SLC16A12: variants seen among roughly 807,000 people sequenced by gnomAD.
The protein encoded by SLC16A12 is monocarboxylate transporter 12.
SLC16A12 carries 17 observed loss-of-function variants against 42.4 expected under a neutral mutation model. That is an observed-to-expected ratio of 0.40 (90% CI 0.27 to 0.60). The LOEUF (loss-of-function observed/expected upper bound fraction) is 0.60, where lower values mean the gene tolerates loss of function less well. Ranked by LOEUF, SLC16A12 falls within the 20% of genes least tolerant of loss-of-function variation. SLC16A12 has a pLI of 0.42. For synonymous variants in SLC16A12, 224 were observed against 229.4 expected (o/e 0.98, Z 0.21); for missense variants, 544 against 623.0 (o/e 0.87, Z 1.35).
At chr10:89,539,422 A>G (rs1843698377), upstream of SLC16A12, among the ~76,000 whole-genome samples, 1 of 152,174 alleles carries the variant, frequency 6.6e-6, no homozygotes. Flanking sequence ...TTTGTAGCCA[A>G]TAAATAACAC....
chr10:89,552,231 G>A (rs557298977), intron 2 of SLC16A12, among the ~76,000 whole-genome samples: 1 of 152,266 alleles, frequency 6.6e-6, no homozygotes, highest in East Asian at 1.9e-4. Flanking sequence ...ACTCACGCCT[G>A]GCCAAAGAGA....
intron 2 of SLC16A12, among the ~76,000 whole-genome samples, chr10:89,541,069 C>T (rs1843712546): frequency 6.6e-6 from 1 of 151,770 alleles, no homozygotes; most frequent in African/African-American, 2.4e-5. Context: ...CTATAGGTGC[C>T]CACCACCACG....
intron 2 of SLC16A12, among the ~76,000 whole-genome samples, chr10:89,509,250 C>T (rs1462017975): frequency 1.3e-5 from 2 of 152,136 alleles, no homozygotes; most frequent in African/African-American, 4.8e-5. Context: ...TTTTATGAGG[C>T]CAGCATCATC....
chr10:89,555,746 G>C (rs1319634023), intron 2 of SLC16A12: 1 of 148,180 alleles, frequency 6.7e-6, no homozygotes, highest in Non-Finnish European at 1.5e-5. Flanking sequence ...AGAAGAAAGA[G>C]TAAGACTGAG....
chr10:89,517,736 T>C (rs1359570409), intron 2 of SLC16A12, among the ~76,000 whole-genome samples: 1 of 152,156 alleles, frequency 6.6e-6, no homozygotes, highest in Admixed American at 6.5e-5. Flanking sequence ...GTTTTCTGAT[T>C]CTTGATATTT....
chr10:89,483,106 CT>C (rs146426494), intron 2 of SLC16A12, among the ~76,000 whole-genome samples: 2 of 151,088 alleles, frequency 1.3e-5, no homozygotes, highest in African/African-American at 2.4e-5. Context: ...AGATGGCCAC[CT>C]TTTTTTTTGC....
intron 7 of SLC16A12, among the ~76,000 whole-genome samples, chr10:89,435,108 C>T (rs1373526835): frequency 6.6e-6 from 1 of 152,190 alleles, no homozygotes; most frequent in Non-Finnish European, 1.5e-5. Context: ...CACTCTATAG[C>T]ATTTTAGAGT....
intron 1 of SLC16A12, among the ~76,000 whole-genome samples, chr10:89,556,170 T>C (rs146997176): frequency 6.6e-6 from 1 of 152,182 alleles, no homozygotes; most frequent in Non-Finnish European, 1.5e-5. Context: ...TGCTAAGCAC[T>C]TTTTATGCTT....
chr10:89,543,490 C>G (rs1318741111), intron 2 of SLC16A12, among the ~76,000 whole-genome samples: 1 of 152,080 alleles, frequency 6.6e-6, no homozygotes, highest in Non-Finnish European at 1.5e-5. Flanking sequence ...ATAATAATAA[C>G]ACTTCATAGG....
intron 2 of SLC16A12, among the ~76,000 whole-genome samples, chr10:89,552,145 G>C (rs923554851): frequency 6.6e-6 from 1 of 151,900 alleles, no homozygotes; most frequent in African/African-American, 2.4e-5. Context: ...CATATTGGCC[G>C]GGCTGGTCTT....
intron 2 of SLC16A12, among the ~76,000 whole-genome samples, chr10:89,469,159 A>G (rs1842454006): frequency 6.6e-6 from 1 of 152,194 alleles, no homozygotes; most frequent in South Asian, 2.1e-4. Flanking sequence ...TTTACTAATC[A>G]GCCTCCAATT....
intron 2 of SLC16A12, among the ~76,000 whole-genome samples, chr10:89,516,621 T>G (rs1291462411): frequency 6.6e-6 from 1 of 152,214 alleles, no homozygotes; most frequent in Non-Finnish European, 1.5e-5. Flanking sequence ...GTTCCTAGGC[T>G]TTGCAACCTT....
chr10:89,506,857 A>G (rs1843070708), intron 2 of SLC16A12, among the ~76,000 whole-genome samples: 1 of 152,170 alleles, frequency 6.6e-6, no homozygotes, highest in South Asian at 2.1e-4. Flanking sequence ...GCTAACTAGA[A>G]TAACCAGTGT....
At chr10:89,531,947 T>G (rs1215611736) in intron 2 of SLC16A12, among the ~76,000 whole-genome samples, 1 of 152,168 alleles carries the variant, frequency 6.6e-6, no homozygotes, top group African/African-American at 2.4e-5. Context: ...CTTATGGTAG[T>G]TTGAATCGGT....
rs147038698 is a variant in SLC16A12 at position 89,511,136 on chromosome 10, C to T, written c.-47+23365G>A. Among the ~76,000 whole-genome samples the T allele has an allele frequency of 1.5e-4, 23 of 152,098 alleles. No homozygotes were observed. In the South Asian group the frequency reaches 2.3e-3, roughly 15 times the overall value. On this transcript the variant is annotated intron_variant, in intron 2 of 7. Coordinates refer to ENST00000371790, the MANE Select transcript of SLC16A12 (RefSeq NM_213606.4). Reference sequence around the variant, plus strand: ...AACGCTTTTACACTGTTGGTGGGAGCGTAAATTAGTTCAACCATTGTGGAA... The same window carrying T: ...AACGCTTTTACACTGTTGGTGGGAGTGTAAATTAGTTCAACCATTGTGGAA...
intron 2 of SLC16A12, among the ~76,000 whole-genome samples, chr10:89,542,098 C>A (rs1193159387): frequency 1.3e-4 from 19 of 151,442 alleles, no homozygotes; most frequent in Admixed American, 1.2e-3. Flanking sequence ...TGACCCAGGT[C>A]ACTGTTTGAA....
intron 2 of SLC16A12, among the ~76,000 whole-genome samples, chr10:89,532,409 T>C (rs985825980): frequency 2.0e-5 from 3 of 152,194 alleles, no homozygotes; most frequent in African/African-American, 7.2e-5. Context: ...CACTTTCTGA[T>C]GTCCTTTGAT....
At chr10:89,494,749 C>T (rs1284037474) in intron 2 of SLC16A12, among the ~76,000 whole-genome samples, 1 of 152,126 alleles carries the variant, frequency 6.6e-6, no homozygotes, top group Non-Finnish European at 1.5e-5. Context: ...TGCAGAATCC[C>T]AGAAAGACTC....
chr10:89,436,892 G>GA (rs1564567532), intron 6 of SLC16A12, among the ~76,000 whole-genome samples: 1 of 147,984 alleles, frequency 6.8e-6, no homozygotes, highest in African/African-American at 2.6e-5. Flanking sequence ...AAGAAAGAAA[G>GA]AAAGAAAGAA....
Sources: gnomAD v4.1 joint callset for allele counts (sites outside exome capture counted in the v4.1 genomes callset) on GRCh38, gnomAD v4.1.1 for gene constraint, MANE v1.5 for transcripts, NCBI Gene and HGNC (gene_info 2026-07-23, HGNC 2026-07-21) for gene names.